Variants in ATM observed in about 807,000 individuals in gnomAD.
ATM encodes ATM serine/threonine kinase.
In ATM, 308 loss-of-function variants were observed where a neutral mutation model predicts 387.0. The ratio of observed to expected loss-of-function variants is 0.80; its 90% CI spans 0.73 to 0.87. The LOEUF (loss-of-function observed/expected upper bound fraction) is 0.87, where lower values mean the gene tolerates loss of function less well. Among genes scored for constraint, ATM ranks in the 40% least tolerant of loss-of-function variants. ATM has a pLI of 0.00. For synonymous variants in ATM, 1,156 were observed against 1,187.3 expected, an observed-to-expected ratio of 0.97 and a Z score of 0.54; for missense variants, 3,312 against 3,560.9, an observed-to-expected ratio of 0.93 and a Z score of 1.78.
intron 39 of ATM, among the ~76,000 whole-genome samples, chr11:108,311,342 G>A (rs673281): frequency 0.62 from 94,196 of 151,948 alleles, 29,517 homozygotes; most frequent in Middle Eastern, 0.76. Flanking sequence ...GAAGTGGATC[G>A]GTAGGAAGCC....
rs994348665 is a variant in ATM, at chr11:108,354,797, G to A, written c.8787-14G>A. ...GTGTAACAAAATCCGTATTTATAAT[G>A]TGTTTGACTCTAGATGCTGTGAGAA... is the stretch of plus-strand genomic sequence containing the variant. On this transcript the variant is annotated splice_polypyrimidine_tract_variant and intron_variant, in intron 60 of 62. Transcript: ENST00000675843. The A allele has an allele frequency of 2.5e-6, 4 of 1,609,968 alleles. No homozygotes were observed. Among genetic ancestry groups the A allele is most frequent in the Admixed American group, 1.7e-5 (1 of 59,998 alleles).
intron 4 of ATM, chr11:108,230,665 C>CA (rs1421693858): frequency 1.3e-5 from 2 of 152,096 alleles, no homozygotes; most frequent in African/African-American, 4.8e-5. Context: ...CCTCTACTTA[C>CA]AGGGAAGAGG....
At chr11:108,340,835 T>C (rs889099293) in intron 56 of ATM, among the ~76,000 whole-genome samples, 1 of 152,204 alleles carries the variant, frequency 6.6e-6, no homozygotes, top group Non-Finnish European at 1.5e-5. Context: ...GTAAATCATC[T>C]CTGGGTTACT....
chr11:108,279,926 A>AAC (rs1334756686), intron 23 of ATM, among the ~76,000 whole-genome samples: 2 of 152,178 alleles, frequency 1.3e-5, no homozygotes, highest in African/African-American at 2.4e-5. Flanking sequence ...TAATTAAGGG[A>AAC]ACAGGTGACA....
intron 3 of ATM, 77 bp downstream of exon 3, chr11:108,227,965 T>A (rs183351553): frequency 7.9e-7 from 1 of 1,266,046 alleles, no homozygotes; most frequent in Non-Finnish European, 1.1e-6. Context: ...TACTTTTGTG[T>A]GTAAGTCTTA....
intron 36 of ATM, 26 bp downstream of exon 36, chr11:108,303,055 A>G: frequency 1.9e-6 from 3 of 1,589,206 alleles, no homozygotes; most frequent in African/African-American, 2.7e-5. Context: ...AGTCTGATAT[A>G]ATTCCTTGTT....
Position 108,345,949 on chromosome 11 carries a change from T to C in ATM, c.8584+41T>C, listed in dbSNP as rs760795872. 5.0e-6 allele frequency: 8 copies of C among 1,609,322 alleles called. No homozygotes were observed. The South Asian group carries it at 8.8e-5, about 18-fold the overall frequency. On this transcript the variant is annotated intron_variant, in intron 58 of 62. Coordinates refer to ENST00000675843, the MANE Select transcript of ATM (RefSeq NM_000051.4). ...ATATAGTAGATTGAGCACTTTGTTG[T>C]TTGGCAGGTTTTATTTTTGTTTGAT...
At chr11:108,290,117 C>T (rs1021867875) in intron 29 of ATM, 11 of 255,116 alleles carry the variant, frequency 4.3e-5, no homozygotes, top group Non-Finnish European at 6.1e-5. Context: ...CCTCAGCCTC[C>T]CAGTGTGCTG....
chr11:108,290,785 T>A (rs2135780019), intron 29 of ATM: 1 of 150,482 alleles, frequency 6.6e-6, no homozygotes, highest in South Asian at 2.1e-4. Context: ...ATTGCACCAC[T>A]GCATTCATGC....
rs781539071 is a variant in ATM at position 108,292,757 on chromosome 11, A to T, written c.4575A>T (p.Ile1525=). 23 of 1,613,912 alleles carry T rather than the reference A, an allele frequency of 1.4e-5. No homozygotes were observed. Among genetic ancestry groups the T allele is most frequent in the Admixed American group, 1.7e-5 (1 of 59,998 alleles). ...TTCATGTTATTGTTGGTACACTTATACCCCTTGTGTATGAGCAGGTGGAGG... is the reference window on the plus strand; with the variant it reads ...TTCATGTTATTGTTGGTACACTTATTCCCCTTGTGTATGAGCAGGTGGAGG... ...NHLHVIVGTL[I]PLVYEQVEVQ... Residue 1525 remains isoleucine (I), a synonymous_variant, in exon 30 of 63, where the codon ATA becomes ATT. Transcript: ENST00000675843.
chr11:108,284,840 G>C (rs1383177301), intron 26 of ATM, among the ~76,000 whole-genome samples: 1 of 152,088 alleles, frequency 6.6e-6, no homozygotes, highest in African/African-American at 2.4e-5. Context: ...ATCTCACCAA[G>C]CTTTCCACTT....
intron 4 of ATM, chr11:108,230,090 G>C (rs895937076): frequency 1.3e-5 from 2 of 152,012 alleles, no homozygotes; most frequent in Non-Finnish European, 2.9e-5. Context: ...TACTTTCAAG[G>C]CTTTCTTTTC....
At chr11:108,357,262 G>C (rs185732604) in intron 61 of ATM, among the ~76,000 whole-genome samples, 37 of 152,370 alleles carry the variant, frequency 2.4e-4, no homozygotes, top group African/African-American at 8.4e-4. Context: ...CGCACCACGA[G>C]ATTATATCCC....
chr11:108,335,700 A>C, intron 55 of ATM, 145 bp from the exon 56 acceptor site: 1 of 670,688 alleles, frequency 1.5e-6, no homozygotes, highest in Non-Finnish European at 2.7e-6. Context: ...AAAGAATGGC[A>C]GTAGGTATTT....
At chr11:108,229,539 G>A in intron 4 of ATM, 1 of 481,482 alleles carries the variant, frequency 2.1e-6, no homozygotes, top group Non-Finnish European at 3.6e-6. Context: ...GAGTTTAGAA[G>A]GAACAAAGAA....
chr11:108,268,731 T>C (rs2081407411), intron 18 of ATM, 122 bp downstream of exon 18: 3 of 1,086,074 alleles, frequency 2.8e-6, no homozygotes, highest in Non-Finnish European at 2.8e-6. Flanking sequence ...TCTTGAGAAA[T>C]GAACCTGAGA....
intron 26 of ATM, among the ~76,000 whole-genome samples, chr11:108,284,917 CT>C (rs1466634479): frequency 3.9e-5 from 6 of 152,028 alleles, no homozygotes; most frequent in South Asian, 2.1e-4. Flanking sequence ...TTTTGTGACA[CT>C]TATTACCTTC....
intron 59 of ATM, 122 bp downstream of exon 59, chr11:108,347,487 G>GT (rs1312609692): frequency 3.7e-6 from 3 of 820,000 alleles, no homozygotes; most frequent in East Asian, 2.7e-5. Flanking sequence ...TAAATATTGG[G>GT]TTTTTTTGTT....
intron 50 of ATM, chr11:108,331,178 G>T: frequency 8.8e-7 from 1 of 1,139,628 alleles, no homozygotes; most frequent in South Asian, 2.5e-5. Flanking sequence ...AGATTTTTTG[G>T]AATATAAACA....
Sources: gnomAD v4.1 joint callset for allele counts (sites outside exome capture counted in the v4.1 genomes callset) on GRCh38, gnomAD v4.1.1 for gene constraint, MANE v1.5 for transcripts, NCBI Gene and HGNC (gene_info 2026-07-23, HGNC 2026-07-21) for gene names.